Variants in FSTL5 observed in about 807,000 individuals in gnomAD.
The protein encoded by FSTL5 is follistatin like 5.
Under a neutral mutation model 89.1 loss-of-function variants are expected in FSTL5, and 62 were observed. The observed-to-expected ratio is 0.70, with a 90% CI of 0.57 to 0.86. FSTL5 has a LOEUF of 0.86. Among genes scored for constraint, FSTL5 ranks in the 40% least tolerant of loss-of-function variants. FSTL5 has a pLI of 0.00. For missense variants in FSTL5, 1,057 were observed against 1,001.6 expected, an observed-to-expected ratio of 1.06 and a Z score of -0.75; for synonymous variants, 383 against 346.2, an observed-to-expected ratio of 1.11 and a Z score of -1.18.
At chr4:161,695,262 G>A (rs902998770) in intron 6 of FSTL5, among the ~76,000 whole-genome samples, 1 of 151,878 alleles carries the variant, frequency 6.6e-6, no homozygotes, top group Non-Finnish European at 1.5e-5. Context: ...TTATGCCTTT[G>A]CATCCTCATA....
intron 4 of FSTL5, among the ~76,000 whole-genome samples, chr4:161,837,097 C>T (rs1731070410): frequency 6.6e-6 from 1 of 151,722 alleles, no homozygotes; most frequent in Non-Finnish European, 1.5e-5. Context: ...ATAGGTGAAG[C>T]CATAGAGAAA....
At chr4:161,705,952 G>GTGTATATA (rs1455592274) in intron 6 of FSTL5, among the ~76,000 whole-genome samples, 1 of 30,662 alleles carries the variant, frequency 3.3e-5, no homozygotes, top group African/African-American at 1.5e-4. Flanking sequence ...GTAGATGTGT[G>GTGTATATA]TATATATATA....
At chr4:161,402,712 A>G (rs1336986951) in intron 15 of FSTL5, among the ~76,000 whole-genome samples, 1 of 152,194 alleles carries the variant, frequency 6.6e-6, no homozygotes, top group Non-Finnish European at 1.5e-5. Flanking sequence ...TGTAGATTAA[A>G]ATCCCACCTA....
At chr4:161,616,155 C>T (rs1356902606) in intron 7 of FSTL5, among the ~76,000 whole-genome samples, 2 of 151,486 alleles carry the variant, frequency 1.3e-5, no homozygotes, top group East Asian at 1.9e-4. Flanking sequence ...GGCGCAATCT[C>T]GACTCACTGC....
At chr4:161,449,482 A>C (rs1733075661) in intron 15 of FSTL5, among the ~76,000 whole-genome samples, 1 of 152,154 alleles carries the variant, frequency 6.6e-6, no homozygotes, top group African/African-American at 2.4e-5. Context: ...CTTTCAAGAC[A>C]TCTCAAATAG....
intron 7 of FSTL5, among the ~76,000 whole-genome samples, chr4:161,619,647 T>C (rs550890935): frequency 6.6e-6 from 1 of 152,218 alleles, no homozygotes; most frequent in South Asian, 2.1e-4. Flanking sequence ...AGATACCATC[T>C]CACACCAGTT....
At chr4:161,929,681 G>GTGTGTGTA in intron 3 of FSTL5, among the ~76,000 whole-genome samples, 1 of 115,526 alleles carries the variant, frequency 8.7e-6, no homozygotes, top group East Asian at 2.7e-4. Context: ...GTGTGTGTGT[G>GTGTGTGTA]TGTGTGTGTG....
At chr4:161,752,819 T>C (rs555571669) in intron 6 of FSTL5, among the ~76,000 whole-genome samples, 39 of 152,306 alleles carry the variant, frequency 2.6e-4, no homozygotes, top group Non-Finnish European at 5.4e-4. Context: ...TAATGAGGTC[T>C]TTAGGGTGGG....
chr4:162,049,068 T>C (rs1157873393), intron 2 of FSTL5, among the ~76,000 whole-genome samples: 1 of 152,164 alleles, frequency 6.6e-6, no homozygotes, highest in Non-Finnish European at 1.5e-5. Context: ...GGAATATATA[T>C]ATATGAGTTT....
intron 2 of FSTL5, among the ~76,000 whole-genome samples, chr4:162,097,521 A>G (rs1422564272): frequency 6.6e-6 from 1 of 151,880 alleles, no homozygotes; most frequent in East Asian, 1.9e-4. Context: ...TTAAACTGGA[A>G]AACAGTAGCT....
intron 13 of FSTL5, among the ~76,000 whole-genome samples, chr4:161,466,635 G>A (rs923969617): frequency 6.6e-6 from 1 of 151,978 alleles, no homozygotes; most frequent in African/African-American, 2.4e-5. Context: ...CATAAAATGA[G>A]GTCAGTTGTT....
At chr4:161,409,588 G>T (rs1423705542) in intron 15 of FSTL5, among the ~76,000 whole-genome samples, 1 of 151,998 alleles carries the variant, frequency 6.6e-6, no homozygotes, top group African/African-American at 2.4e-5. Context: ...CACCACGTTG[G>T]CCAGGCAGGT....
chr4:161,494,883 G>A (rs1730009685), intron 12 of FSTL5, among the ~76,000 whole-genome samples: 2 of 151,912 alleles, frequency 1.3e-5, no homozygotes, highest in South Asian at 4.1e-4. Context: ...AACCTTGCGA[G>A]GCCCTGTCTC....
intron 12 of FSTL5, among the ~76,000 whole-genome samples, chr4:161,484,939 T>C (rs1266368058): frequency 6.6e-6 from 1 of 152,136 alleles, no homozygotes; most frequent in Non-Finnish European, 1.5e-5. Flanking sequence ...ACTGCCTAAT[T>C]TGATATGATC....
chr4:161,644,754 G>A (rs1736087925), intron 7 of FSTL5, among the ~76,000 whole-genome samples: 1 of 152,142 alleles, frequency 6.6e-6, no homozygotes, highest in African/African-American at 2.4e-5. Context: ...ATTTTATGAA[G>A]ACCTCTCTGG....
chr4:161,790,471 C>A (rs1022353379), intron 4 of FSTL5, among the ~76,000 whole-genome samples: 1 of 152,182 alleles, frequency 6.6e-6, no homozygotes, highest in South Asian at 2.1e-4. Flanking sequence ...TGACCAGGTG[C>A]CTTTGCACAG....
intron 7 of FSTL5, among the ~76,000 whole-genome samples, chr4:161,603,624 CTAAGA>C (rs1734330885): frequency 1.3e-5 from 2 of 152,026 alleles, no homozygotes; most frequent in South Asian, 4.1e-4. Context: ...GCAGCTCAAG[CTAAGA>C]TAATACATTT....
At chr4:162,079,830 G>T (rs1363031534) in intron 2 of FSTL5, among the ~76,000 whole-genome samples, 2 of 151,492 alleles carry the variant, frequency 1.3e-5, no homozygotes, top group Non-Finnish European at 3.0e-5. Flanking sequence ...GTAGAATTTG[G>T]ATTCAAGGTA....
intron 4 of FSTL5, among the ~76,000 whole-genome samples, chr4:161,851,053 C>A (rs545982154): frequency 1.8e-4 from 28 of 152,230 alleles, no homozygotes; most frequent in Admixed American, 9.8e-4. Flanking sequence ...AACAAAGATA[C>A]AAATTTTGAG....
Sources: gnomAD v4.1 joint callset for allele counts (sites outside exome capture counted in the v4.1 genomes callset) on GRCh38, gnomAD v4.1.1 for gene constraint, MANE v1.5 for transcripts, NCBI Gene and HGNC (gene_info 2026-07-23, HGNC 2026-07-21) for gene names.